The following GAB1 variants were observed in gnomAD, a reference collection of about 807,000 sequenced individuals.
GAB1 encodes the protein GRB2-associated-binding protein 1.
A neutral mutation model predicts 66.5 loss-of-function variants in GAB1; 19 were observed. The observed-to-expected ratio is 0.29, with a 90% CI of 0.20 to 0.42. GAB1 has a LOEUF of 0.42. Among genes scored for constraint, GAB1 ranks in the 10% least tolerant of loss-of-function variants. The pLI is 1.00. For synonymous variants in GAB1, 294 were observed against 301.4 expected (o/e 0.98, Z 0.25); for missense variants, 732 against 858.5 (o/e 0.85, Z 1.84).
intron 1 of GAB1, among the ~76,000 whole-genome samples, chr4:143,396,758 G>C (rs1165610845): frequency 6.6e-6 from 1 of 152,102 alleles, no homozygotes; most frequent in Non-Finnish European, 1.5e-5. Flanking sequence ...TACATTCTTG[G>C]GGTTGAGGGA....
intron 1 of GAB1, among the ~76,000 whole-genome samples, chr4:143,397,377 G>A (rs1392758329): frequency 1.3e-5 from 2 of 152,060 alleles, no homozygotes; most frequent in Non-Finnish European, 2.9e-5. Flanking sequence ...AATTATTTGG[G>A]AGTGGGAACA....
intron 6 of GAB1, among the ~76,000 whole-genome samples, chr4:143,445,054 C>T (rs531691277): frequency 6.6e-6 from 1 of 152,092 alleles, no homozygotes. Flanking sequence ...AGTGAACATG[C>T]GAGTTCGTGT....
intron 7 of GAB1, among the ~76,000 whole-genome samples, chr4:143,459,875 A>G (rs944948501): frequency 3.3e-5 from 5 of 152,204 alleles, no homozygotes; most frequent in Admixed American, 1.3e-4. Flanking sequence ...TAAAAGGTTT[A>G]TGAAACCAAA....
chr4:143,388,998 G>C (rs2149684500), intron 1 of GAB1, among the ~76,000 whole-genome samples: 1 of 152,296 alleles, frequency 6.6e-6, no homozygotes, highest in South Asian at 2.1e-4. Flanking sequence ...AAACTGCCCA[G>C]TCCACTCTGC....
At chr4:143,393,217 A>T in intron 1 of GAB1, among the ~76,000 whole-genome samples, 1 of 150,238 alleles carries the variant, frequency 6.7e-6, no homozygotes, top group African/African-American at 2.5e-5. Flanking sequence ...ACATTTACAA[A>T]GGTTTTTTTT....
At chr4:143,428,218 G>A (rs1733467240) in intron 2 of GAB1, among the ~76,000 whole-genome samples, 1 of 152,156 alleles carries the variant, frequency 6.6e-6, no homozygotes, top group Non-Finnish European at 1.5e-5. Context: ...TCTGCCTCTG[G>A]ACCTGTCAGA....
Position 143,354,446 on chromosome 4 carries a change from G to A in GAB1, c.72+17186G>A, listed in dbSNP as rs28989204. On this transcript the variant is annotated intron_variant, in intron 1 of 9. Coordinates refer to ENST00000262994, the MANE Select transcript of GAB1 (RefSeq NM_002039.4). Reference sequence around the variant, plus strand: ...TAAATAGCTATCCAAATGCAACATTGAGAAATCACTTATAAATTTTCAGTG... The same window carrying A: ...TAAATAGCTATCCAAATGCAACATTAAGAAATCACTTATAAATTTTCAGTG... 3.7e-3 allele frequency among the ~76,000 whole-genome samples: 564 copies of A among 152,112 alleles called. 4 individuals are homozygous for A. The highest frequency in any genetic ancestry group is 6.3e-3 in the Non-Finnish European group (429 of 67,966).
chr4:143,358,548 C>T (rs1233687378), intron 1 of GAB1, among the ~76,000 whole-genome samples: 1 of 152,176 alleles, frequency 6.6e-6, no homozygotes, highest in Non-Finnish European at 1.5e-5. Flanking sequence ...AATATAAAAT[C>T]TGTTTTTCAA....
At position 143,433,538 on chromosome 4, in the gene GAB1, C is replaced by T; in HGVS notation, c.415C>T (p.Pro139Ser). 2 of 1,613,972 alleles carry T rather than the reference C, an allele frequency of 1.2e-6. No homozygotes were observed. Among genetic ancestry groups the T allele is most frequent in the Non-Finnish European group, 1.7e-6 (2 of 1,179,908 alleles). ...GSSLQAPADL[P>S]LAINTAPPST... ...CTCTTTACAAGCACCAGCTGATTTACCTTTAGCTATAAATACAGCACCACC... is the reference window on the plus strand; with the variant it reads ...CTCTTTACAAGCACCAGCTGATTTATCTTTAGCTATAAATACAGCACCACC... The change falls in exon 3 of 10, where the codon CCT becomes TCT. Residue 139 changes from proline to serine, a missense_variant. This residue lies in a region of GAB1 where 427 missense variants were observed against 420.6 expected (regional missense o/e 1.02). Transcript: ENST00000262994.
At chr4:143,467,496 T>C (rs1735854227) in intron 9 of GAB1, among the ~76,000 whole-genome samples, 1 of 152,222 alleles carries the variant, frequency 6.6e-6, no homozygotes. Context: ...TGGGTCTTTA[T>C]CAAATATGTC....
chr4:143,374,690 A>G (rs1730337655), intron 1 of GAB1, among the ~76,000 whole-genome samples: 1 of 152,172 alleles, frequency 6.6e-6, no homozygotes, highest in Admixed American at 6.5e-5. Flanking sequence ...GTGCTGCCAT[A>G]CAGTCTTGGC....
chr4:143,438,247 A>G lies in GAB1; in HGVS notation c.842A>G (p.Asp281Gly), dbSNP rs777530515. 28 of 1,614,024 alleles carry G rather than the reference A, an allele frequency of 1.7e-5. No homozygotes were observed. The highest frequency in any genetic ancestry group is 5.0e-5 in the Admixed American group (3 of 59,976). Residue 281 changes from aspartate (D) to glycine (G), a missense_variant, in exon 4 of 10, where the codon GAT becomes GGT. Asp to Gly is a moderately conservative substitution (Grantham distance 94, BLOSUM62 -1). This residue lies in a region of GAB1 where 427 missense variants were observed against 420.6 expected (regional missense o/e 1.02). Coordinates refer to ENST00000262994, the MANE Select transcript of GAB1 (RefSeq NM_002039.4). ...GTGTCTCCATCAAGTACTGAAGCAG[A>G]TGGAGAACTCTATGTTTTTAATACC... Reference protein sequence around the residue: ...PKVSPSSTEADGELYVFNTPS... With the variant: ...PKVSPSSTEAGGELYVFNTPS...
intron 1 of GAB1, among the ~76,000 whole-genome samples, chr4:143,367,876 C>T (rs1560722151): frequency 6.6e-6 from 1 of 152,006 alleles, no homozygotes; most frequent in Non-Finnish European, 1.5e-5. Flanking sequence ...AGGTGCCCAC[C>T]ACCATGCCTG....
intron 2 of GAB1, among the ~76,000 whole-genome samples, chr4:143,422,499 G>A (rs1042530007): frequency 6.6e-6 from 1 of 152,134 alleles, no homozygotes; most frequent in East Asian, 1.9e-4. Flanking sequence ...AGTTTGAAAC[G>A]TTCTACCTTA....
At chr4:143,424,307 G>A (rs1281933909) in intron 2 of GAB1, among the ~76,000 whole-genome samples, 1 of 152,172 alleles carries the variant, frequency 6.6e-6, no homozygotes, top group East Asian at 1.9e-4. Context: ...GAATACACTT[G>A]TGAATACAGT....
Position 143,337,006 on chromosome 4 carries a change from T to G in GAB1, c.-183T>G. On this transcript the variant is annotated 5_prime_UTR_variant, in exon 1 of 10. Transcript: ENST00000262994. ...CGCGTTCTGTTCAGGTTCGTGGGCC[T>G]GCAGAGGAGAGACTCGAACTCGTGG... The G allele has an allele frequency of 3.4e-6, 2 of 581,176 alleles. No individual in the cohort carries two copies. The highest frequency in any genetic ancestry group is 6.1e-6 in the Non-Finnish European group (2 of 327,652). 36.0% of individuals were successfully genotyped at this position (581,176 alleles called of 1,614,324 possible). A position where few individuals can be genotyped will look rare whatever the true frequency, so the allele number is the denominator to read the frequency against.
chr4:143,351,946 G>A (rs548219511), intron 1 of GAB1, among the ~76,000 whole-genome samples: 2 of 152,280 alleles, frequency 1.3e-5, no homozygotes, highest in South Asian at 2.1e-4. Context: ...CAGTTGGATT[G>A]TGTCATAGCA....
intron 1 of GAB1, among the ~76,000 whole-genome samples, chr4:143,375,311 C>G (rs913665328): frequency 3.3e-5 from 5 of 152,176 alleles, no homozygotes; most frequent in African/African-American, 4.8e-5. Context: ...TTAAAACTTG[C>G]CAATGAAAGC....
intron 2 of GAB1, among the ~76,000 whole-genome samples, chr4:143,432,754 A>T (rs758656110): frequency 9.9e-5 from 15 of 152,190 alleles, no homozygotes; most frequent in Non-Finnish European, 1.9e-4. Flanking sequence ...CTAGAATTTC[A>T]CATGGTTTTC....
Sources: gnomAD v4.1 joint callset for allele counts (sites outside exome capture counted in the v4.1 genomes callset) on GRCh38, gnomAD v4.1.1 for gene constraint, gnomAD v4.1.1 regional missense constraint, MANE v1.5 for transcripts, NCBI Gene and HGNC (gene_info 2026-07-23, HGNC 2026-07-21) for gene names.